Variants in ENOX1 observed in about 807,000 individuals in gnomAD.
ENOX1 encodes the protein ecto-NOX disulfide-thiol exchanger 1.
A neutral mutation model predicts 82.5 loss-of-function variants in ENOX1; 42 were observed. The observed-to-expected ratio is 0.51, with a 90% CI of 0.40 to 0.66. ENOX1 has a LOEUF of 0.66. ENOX1 is among the 30% of genes least tolerant of loss of function. The pLI is 0.00. For synonymous variants in ENOX1, 271 were observed against 282.2 expected (o/e 0.96, Z 0.40); for missense variants, 608 against 811.6 (o/e 0.75, Z 3.05).
At chr13:43,586,833 G>A (rs1448748434) in intron 2 of ENOX1, among the ~76,000 whole-genome samples, 1 of 152,014 alleles carries the variant, frequency 6.6e-6, no homozygotes, top group East Asian at 1.9e-4. Context: ...GGGAGGCTGA[G>A]GCAGGTGGAT....
At chr13:43,339,789 C>T (rs1320722060) in intron 9 of ENOX1, among the ~76,000 whole-genome samples, 1 of 152,188 alleles carries the variant, frequency 6.6e-6, no homozygotes, top group African/African-American at 2.4e-5. Flanking sequence ...AGCTGAGGTG[C>T]AATTCCTGAA....
At chr13:43,499,956 C>T (rs1017944192) in intron 2 of ENOX1, among the ~76,000 whole-genome samples, 9 of 151,762 alleles carry the variant, frequency 5.9e-5, no homozygotes, top group East Asian at 1.9e-4. Context: ...AAAAATTAAA[C>T]GGTTTCAACA....
At chr13:43,597,614 C>T (rs900036381) in intron 2 of ENOX1, among the ~76,000 whole-genome samples, 3 of 152,152 alleles carry the variant, frequency 2.0e-5, no homozygotes, top group South Asian at 2.1e-4. Context: ...CATCTCTAGC[C>T]CTTTCTCTAT....
At chr13:43,772,566 T>C (rs1951693819) in intron 1 of ENOX1, among the ~76,000 whole-genome samples, 1 of 151,984 alleles carries the variant, frequency 6.6e-6, no homozygotes, top group Non-Finnish European at 1.5e-5. Flanking sequence ...CTGGCCAACA[T>C]GGTGAAACCC....
At chr13:43,371,653 T>C (rs914855516) in intron 5 of ENOX1, among the ~76,000 whole-genome samples, 1 of 152,218 alleles carries the variant, frequency 6.6e-6, no homozygotes, top group Non-Finnish European at 1.5e-5. Flanking sequence ...TCTCATAAAT[T>C]TTAAAAAGAA....
At chr13:43,621,791 G>T (rs2153746316) in intron 2 of ENOX1, among the ~76,000 whole-genome samples, 1 of 152,238 alleles carries the variant, frequency 6.6e-6, no homozygotes, top group Non-Finnish European at 1.5e-5. Context: ...GTTTTTGGAT[G>T]TGTAGGTCTC....
At chr13:43,628,073 T>C (rs1200654159) in intron 2 of ENOX1, among the ~76,000 whole-genome samples, 1 of 152,182 alleles carries the variant, frequency 6.6e-6, no homozygotes, top group Non-Finnish European at 1.5e-5. Flanking sequence ...TGCATCTTAG[T>C]GTAAACTTTT....
chr13:43,275,824 A>T (rs1366499226), intron 12 of ENOX1, among the ~76,000 whole-genome samples: 1 of 152,172 alleles, frequency 6.6e-6, no homozygotes, highest in African/African-American at 2.4e-5. Flanking sequence ...TTACATGTAC[A>T]TGATAACTAA....
chr13:43,607,310 G>A (rs913740143), intron 2 of ENOX1, among the ~76,000 whole-genome samples: 2 of 151,740 alleles, frequency 1.3e-5, no homozygotes, highest in Non-Finnish European at 2.9e-5. Context: ...TACAGAGTTT[G>A]TGCTTATTGT....
Position 43,356,034 on chromosome 13 carries a change from G to C in ENOX1, c.708C>G (p.Ala236=). ...GCTTGCGCCGGTGCCGCTCCTCCCG[G>C]GCACGCATCCTCTGCTTGCATTCCC... ...YEWECKQRMR[A]REERHRRKLE... Residue 236 remains alanine, a synonymous_variant, in exon 8 of 17, where the codon GCC becomes GCG. Coordinates refer to ENST00000690772, the MANE Select transcript of ENOX1 (RefSeq NM_001347969.2). The C allele has an allele frequency of 6.2e-7, 1 of 1,614,128 alleles. No homozygotes were observed. Among genetic ancestry groups the C allele is most frequent in the African/African-American group, 1.3e-5 (1 of 75,050 alleles).
At chr13:43,780,559 T>G (rs1275337731) in intron 1 of ENOX1, among the ~76,000 whole-genome samples, 1 of 152,180 alleles carries the variant, frequency 6.6e-6, no homozygotes, top group Non-Finnish European at 1.5e-5. Context: ...GCACTCACTG[T>G]AAAAGGAACT....
At chr13:43,535,906 A>G (rs1163688029) in intron 2 of ENOX1, among the ~76,000 whole-genome samples, 2 of 152,226 alleles carry the variant, frequency 1.3e-5, no homozygotes, top group Non-Finnish European at 2.9e-5. Flanking sequence ...TGTAACTGTA[A>G]GAATGACTGC....
intron 2 of ENOX1, among the ~76,000 whole-genome samples, chr13:43,612,333 T>C (rs2153738866): frequency 6.6e-6 from 1 of 152,306 alleles, no homozygotes; most frequent in East Asian, 1.9e-4. Flanking sequence ...GCCCCCTGTA[T>C]GGATTACCCT....
intron 2 of ENOX1, among the ~76,000 whole-genome samples, chr13:43,584,259 T>C (rs2080877185): frequency 6.6e-6 from 1 of 152,228 alleles, no homozygotes; most frequent in Admixed American, 6.5e-5. Flanking sequence ...CATTAGGTTG[T>C]TGGTTTGGAA....
intron 1 of ENOX1, among the ~76,000 whole-genome samples, chr13:43,740,883 A>G (rs1040746415): frequency 2.0e-5 from 3 of 152,214 alleles, no homozygotes; most frequent in Admixed American, 1.3e-4. Context: ...TGTTTATTCA[A>G]CAGTTGAAGG....
intron 12 of ENOX1, among the ~76,000 whole-genome samples, chr13:43,271,950 A>G (rs575958868): frequency 6.0e-4 from 91 of 152,190 alleles, no homozygotes; most frequent in African/African-American, 2.1e-3. Context: ...TTAAATTAGC[A>G]TTATGTTTTT....
chr13:43,303,355 T>C (rs1239516773), intron 11 of ENOX1, among the ~76,000 whole-genome samples: 1 of 152,246 alleles, frequency 6.6e-6, no homozygotes, highest in African/African-American at 2.4e-5. Flanking sequence ...TATCTGCTTC[T>C]CTGCATTCTG....
intron 12 of ENOX1, among the ~76,000 whole-genome samples, chr13:43,290,064 G>C (rs2045913440): frequency 6.6e-6 from 1 of 152,060 alleles, no homozygotes; most frequent in African/African-American, 2.4e-5. Context: ...CATTAAAAAA[G>C]TCAAAAACAA....
intron 2 of ENOX1, among the ~76,000 whole-genome samples, chr13:43,573,619 G>GCAAAA (rs1283398503): frequency 6.6e-6 from 1 of 152,106 alleles, no homozygotes; most frequent in Non-Finnish European, 1.5e-5. Context: ...ATGTAAGCTG[G>GCAAAA]CAACACAACA....
Sources: allele counts gnomAD v4.1 joint callset (sites outside exome capture counted in the v4.1 genomes callset), GRCh38; gene constraint gnomAD v4.1.1; transcripts MANE v1.5; gene names NCBI Gene and HGNC (gene_info 2026-07-23, HGNC 2026-07-21).